The following CES1 variants were observed in gnomAD, a reference collection of about 807,000 sequenced individuals.
CES1 encodes the protein carboxylesterase 1.
CES1 carries 50 observed loss-of-function variants against 53.0 expected under a neutral mutation model. The observed-to-expected ratio is 0.94, with a 90% CI of 0.75 to 1.19. CES1 has a LOEUF of 1.19. Ranked by LOEUF, CES1 falls within the 50% of genes most tolerant of loss-of-function variation. The probability of loss-of-function intolerance (pLI) is 0.00; values close to 1 mark genes in which losing one functional copy is unlikely to be tolerated. For synonymous variants in CES1, 202 were observed against 210.1 expected, an observed-to-expected ratio of 0.96 and a Z score of 0.33; for missense variants, 534 against 538.0, an observed-to-expected ratio of 0.99 and a Z score of 0.07.
At chr16:55,816,882 C>T in intron 8 of CES1, 42 bp downstream of exon 8, 1 of 1,598,856 alleles carries the variant, frequency 6.3e-7, no homozygotes, top group Non-Finnish European at 8.6e-7. Context: ...CTTAAAGGTG[C>T]TAAGACTCAA....
intron 7 of CES1, 152 bp from the exon 8 acceptor site, chr16:55,817,114 CA>C: frequency 2.3e-6 from 2 of 882,164 alleles, no homozygotes; most frequent in African/African-American, 1.7e-5. Context: ...TCTCCCTGAA[CA>C]TGAATATTAG....
At chr16:55,830,343 G>GT (rs1429207967) in intron 1 of CES1, among the ~76,000 whole-genome samples, 1 of 152,116 alleles carries the variant, frequency 6.6e-6, no homozygotes, top group Admixed American at 6.6e-5. Context: ...ATAGCAATGG[G>GT]TGGTGGCATT....
At chr16:55,809,255 A>G (rs1477161797) in intron 11 of CES1, among the ~76,000 whole-genome samples, 1 of 152,196 alleles carries the variant, frequency 6.6e-6, no homozygotes, top group African/African-American at 2.4e-5. Flanking sequence ...GAACAGATTC[A>G]ACTCCAGTGG....
In CES1 at chr16:55,826,225, G is replaced by A. The variant is rs1262575520; in HGVS notation, c.331C>T (p.Leu111Phe). ...TAAAGACAGTCTTCAGAAAGCTTGAGAGGAATGTTCTCCTTTCGGTTTGTA... is the reference window on the plus strand; with the variant it reads ...TAAAGACAGTCTTCAGAAAGCTTGAAAGGAATGTTCTCCTTTCGGTTTGTA... ...LFTNRKENIPLKLSEDCLYLN... is the reference protein window; with the variant it reads ...LFTNRKENIPFKLSEDCLYLN... Residue 111 changes from leucine (L) to phenylalanine (F), a missense_variant, in exon 3 of 14, where the codon CTC (leucine) becomes TTC (phenylalanine). Leu to Phe is a conservative substitution (Grantham distance 22). Coordinates refer to ENST00000360526, the MANE Select transcript of CES1 (RefSeq NM_001025195.2). 25 of 1,613,850 alleles carry A rather than the reference G, an allele frequency of 1.5e-5. No individual in the cohort carries two copies. The highest frequency in any genetic ancestry group is 2.2e-5 in the East Asian group (1 of 44,900).
intron 8 of CES1, among the ~76,000 whole-genome samples, chr16:55,813,819 A>C (rs2031811935): frequency 6.6e-6 from 1 of 152,240 alleles, no homozygotes; most frequent in Non-Finnish European, 1.5e-5. Flanking sequence ...AAAAGCACAA[A>C]AATGCAGAAC....
At chr16:55,816,526 G>C (rs1168266871) in intron 8 of CES1, among the ~76,000 whole-genome samples, 1 of 152,218 alleles carries the variant, frequency 6.6e-6, no homozygotes, top group Non-Finnish European at 1.5e-5. Flanking sequence ...GGGAGGAGAC[G>C]AGTGTCCTTG....
At chr16:55,827,399 AT>A (rs67323109) in intron 2 of CES1, among the ~76,000 whole-genome samples, 2,128 of 152,040 alleles carry the variant, frequency 0.014, 57 homozygotes, top group African/African-American at 0.048. Flanking sequence ...TATTGTTATT[AT>A]TATTTTGCCT....
In CES1 at chr16:55,814,680, C is replaced by A. The variant is rs1273390829; in HGVS notation, c.946-1637G>T. Among the ~76,000 whole-genome samples the A allele has an allele frequency of 1.9e-4, 29 of 152,364 alleles. 1 individual carries two copies. The highest frequency in any genetic ancestry group is 4.8e-4 in the African/African-American group (20 of 41,584). On this transcript the variant is annotated intron_variant, in intron 8 of 13. Transcript: ENST00000360526. The stretch of plus-strand genomic sequence containing the variant: ...GTGGAATCTTCCCAGTTCCACGCCC[C>A]ATGGGCTGTATTTCCCTTCTGGATA...
At chr16:55,822,428 C>T (rs1357830436) in intron 4 of CES1, among the ~76,000 whole-genome samples, 2 of 152,184 alleles carry the variant, frequency 1.3e-5, no homozygotes, top group Non-Finnish European at 2.9e-5. Context: ...AGAGACAGTC[C>T]GGGCTGTCCA....
At chr16:55,828,583 G>A (rs2032507174) in intron 2 of CES1, among the ~76,000 whole-genome samples, 184 bp downstream of exon 2, 2 of 152,042 alleles carry the variant, frequency 1.3e-5, no homozygotes, top group African/African-American at 2.4e-5. Flanking sequence ...CACACAGCAG[G>A]TGCTCAATAA....
intron 4 of CES1, among the ~76,000 whole-genome samples, chr16:55,823,112 C>T (rs2032270092): frequency 6.6e-6 from 1 of 152,154 alleles, no homozygotes; most frequent in East Asian, 1.9e-4. Context: ...CATTCCTTCA[C>T]CCACAACATG....
intron 8 of CES1, among the ~76,000 whole-genome samples, chr16:55,814,355 C>G (rs1472348922): frequency 2.0e-5 from 3 of 152,210 alleles, no homozygotes; most frequent in Non-Finnish European, 4.4e-5. Flanking sequence ...AGTTATATTT[C>G]ATATTTAGTC....
In CES1 at chr16:55,810,570, A is replaced by C. The variant is rs748876242; in HGVS notation, c.1265T>G (p.Ile422Arg). The C allele has an allele frequency of 1.4e-5, 22 of 1,614,212 alleles. No homozygotes were observed. In the South Asian group the frequency reaches 2.3e-4, roughly 17 times the overall value. Reference protein sequence around the residue: ...VKKKDLFLDLIADVMFGVPSV... With the variant: ...VKKKDLFLDLRADVMFGVPSV... Reference sequence around the variant, plus strand: ...TGGGACACCAAACATCACATCTGCTATCAAGTCCAGGAACAGGTCTTTCTT... The same window carrying C: ...TGGGACACCAAACATCACATCTGCTCTCAAGTCCAGGAACAGGTCTTTCTT... Residue 422 changes from isoleucine (I) to arginine (R), a missense_variant, in exon 11 of 14, where the codon ATA becomes AGA. Coordinates refer to ENST00000360526, the MANE Select transcript of CES1 (RefSeq NM_001025195.2).
Position 55,809,873 on chromosome 16 carries a change from C to G in CES1, c.1318+644G>C, listed in dbSNP as rs117738828. Reference sequence around the variant, plus strand: ...TTTCAATATTTGTCCTACAGCAGCCCTATGTCCCACAATAACTCCAGGCAT... The same window carrying G: ...TTTCAATATTTGTCCTACAGCAGCCGTATGTCCCACAATAACTCCAGGCAT... On this transcript the variant is annotated intron_variant, in intron 11 of 13. Transcript: ENST00000360526. Among the ~76,000 whole-genome samples the G allele has an allele frequency of 6.7e-3, 1,024 of 152,310 alleles. 5 individuals are homozygous for G. Among genetic ancestry groups the G allele is most frequent in the Non-Finnish European group, 0.012 (792 of 68,018 alleles).
chr16:55,825,820 C>A (rs1248846068), intron 3 of CES1, among the ~76,000 whole-genome samples: 1 of 152,120 alleles, frequency 6.6e-6, no homozygotes, highest in Non-Finnish European at 1.5e-5. Flanking sequence ...CCACCACTAA[C>A]ATTGAAAATC....
chr16:55,810,023 C>T (rs1198229026), intron 11 of CES1, among the ~76,000 whole-genome samples: 2 of 152,236 alleles, frequency 1.3e-5, no homozygotes, highest in Non-Finnish European at 2.9e-5. Context: ...TCACAAGAGA[C>T]TACTCTGCCC....
intron 11 of CES1, among the ~76,000 whole-genome samples, chr16:55,808,678 G>A (rs1377533699): frequency 1.3e-5 from 2 of 152,098 alleles, no homozygotes; most frequent in Non-Finnish European, 1.5e-5. Context: ...ACATTAGGCT[G>A]AGCTCAATGT....
At chr16:55,814,663 T>G (rs1289247089) in intron 8 of CES1, among the ~76,000 whole-genome samples, 1 of 152,228 alleles carries the variant, frequency 6.6e-6, no homozygotes, top group Non-Finnish European at 1.5e-5. Context: ...CTGTGGAATC[T>G]TCCCAGTTCC....
rs773202586 is a variant in CES1 at position 55,819,640 on chromosome 16, C to A, written c.802-1G>T. On this transcript the variant is annotated splice_acceptor_variant, in intron 6 of 13. Transcript: ENST00000360526. LOFTEE classifies it high-confidence loss of function. ...TGCACCCAGCAGTGATAGCAATTTG[C>A]TGCAAAGATCACAGGCAACAACAGA... The A allele has an allele frequency of 1.9e-6, 3 of 1,611,208 alleles. No homozygotes were observed. The highest frequency in any genetic ancestry group is 2.5e-6 in the Non-Finnish European group (3 of 1,177,450).
Sources: allele counts gnomAD v4.1 joint callset (sites outside exome capture counted in the v4.1 genomes callset), GRCh38; gene constraint gnomAD v4.1.1; transcripts MANE v1.5; gene names NCBI Gene and HGNC (gene_info 2026-07-23, HGNC 2026-07-21).